The following PCNX2 variants were observed in gnomAD, a reference collection of about 807,000 sequenced individuals.
The protein encoded by PCNX2 is pecanex 2.
A neutral mutation model predicts 223.8 loss-of-function variants in PCNX2; 168 were observed. The ratio of observed to expected loss-of-function variants is 0.75; its 90% CI spans 0.66 to 0.85. PCNX2 has a LOEUF of 0.85. Among genes scored for constraint, PCNX2 ranks in the 40% least tolerant of loss-of-function variants. The probability of loss-of-function intolerance (pLI) is 0.00; values close to 1 mark genes in which losing one functional copy is unlikely to be tolerated. For synonymous variants in PCNX2, 1,006 were observed against 1,052.6 expected (o/e 0.96, Z 0.86); for missense variants, 2,507 against 2,675.5 (o/e 0.94, Z 1.39).
intron 25 of PCNX2, among the ~76,000 whole-genome samples, chr1:233,028,849 T>C (rs1333254442): frequency 1.3e-5 from 2 of 150,474 alleles, no homozygotes; most frequent in Non-Finnish European, 3.0e-5. Context: ...CTTTTTTTTT[T>C]TTTTTTTGAG....
chr1:233,243,944 G>T (rs1480942775), intron 8 of PCNX2, among the ~76,000 whole-genome samples: 1 of 151,944 alleles, frequency 6.6e-6, no homozygotes, highest in Admixed American at 6.6e-5. Context: ...CTATTCTCCT[G>T]CCTCAGCCTC....
At chr1:233,168,855 A>ACC (rs1441203935) in intron 17 of PCNX2, among the ~76,000 whole-genome samples, 1 of 152,134 alleles carries the variant, frequency 6.6e-6, no homozygotes, top group Admixed American at 6.5e-5. Context: ...CACAATTGGC[A>ACC]CCATCACTAA....
At chr1:233,091,621 C>T (rs769010679) in intron 22 of PCNX2, among the ~76,000 whole-genome samples, 1 of 151,560 alleles carries the variant, frequency 6.6e-6, no homozygotes, top group African/African-American at 2.4e-5. Context: ...CAGTCCCAGC[C>T]ACACAGGAGG....
Position 232,999,417 on chromosome 1 carries a change from G to T in PCNX2, c.5329-38C>A, listed in dbSNP as rs779098269. 3.9e-6 allele frequency: 6 copies of T among 1,540,514 alleles called. No individual in the cohort carries two copies. The East Asian group carries it at 7.1e-5, about 18-fold the overall frequency. On this transcript the variant is annotated intron_variant, in intron 30 of 33. Transcript: ENST00000258229. The stretch of plus-strand genomic sequence containing the variant: ...GAGGGAACGGGAAGAAAGGCAGAAG[G>T]CCTGTGTTTTCCAGTCTATTGGTTT...
rs915840513 is a variant in PCNX2, at chr1:233,225,081, C to T, written c.2504+2145G>A. On this transcript the variant is annotated intron_variant, in intron 10 of 33. Coordinates refer to ENST00000258229, the MANE Select transcript of PCNX2 (RefSeq NM_014801.4). ...TGTATACCTGTGTAACAAACCTGCA[C>T]GTTCTGCACATGTATCCCAGAACTA... 6.4e-5 allele frequency among the ~76,000 whole-genome samples: 8 copies of T among 125,896 alleles called. No homozygotes were observed. The South Asian group carries it at 1.3e-3, about 20-fold the overall frequency. 82.6% of individuals were successfully genotyped at this position (125,896 alleles called of 152,430 possible).
intron 13 of PCNX2, among the ~76,000 whole-genome samples, chr1:233,205,442 C>T (rs985146867): frequency 2.6e-5 from 4 of 152,080 alleles, no homozygotes; most frequent in African/African-American, 9.7e-5. Context: ...GCCTATAATC[C>T]CAGCACTTTG....
chr1:233,037,825 T>A (rs984197115), intron 25 of PCNX2, among the ~76,000 whole-genome samples: 1 of 152,234 alleles, frequency 6.6e-6, no homozygotes, highest in Non-Finnish European at 1.5e-5. Flanking sequence ...TAAAGTTTTT[T>A]CTGTGACCTG....
chr1:233,229,900 T>C (rs1406543305), intron 9 of PCNX2, among the ~76,000 whole-genome samples: 2 of 152,180 alleles, frequency 1.3e-5, no homozygotes, highest in African/African-American at 4.8e-5. Context: ...TTGCCTTAGA[T>C]ATCAAAGAAG....
chr1:233,306,387 T>A, the PCNX2 span, among the ~76,000 whole-genome samples: 11 of 152,178 alleles, frequency 7.2e-5, no homozygotes, highest in Non-Finnish European at 1.3e-4. Context: ...AAGAGAAGTC[T>A]TGGGCAACAA....
In PCNX2 at chr1:233,261,331, TG is replaced by T. The variant is rs1558402896; in HGVS notation, c.481-11del. The T allele has an allele frequency of 1.2e-6, 2 of 1,611,884 alleles. No individual in the cohort carries two copies. On this transcript the variant is annotated splice_polypyrimidine_tract_variant and intron_variant, in intron 3 of 33. Coordinates refer to ENST00000258229, the MANE Select transcript of PCNX2 (RefSeq NM_014801.4). ...CCTGTGCTGACAACTCCTACACAAATGAAAGAAACAAAAATCAATAGATGAC... is the reference window on the plus strand; with the variant it reads ...CCTGTGCTGACAACTCCTACACAAATAAAGAAACAAAAATCAATAGATGAC...
the PCNX2 span, among the ~76,000 whole-genome samples, chr1:233,307,703 T>C: frequency 6.6e-6 from 1 of 152,226 alleles, no homozygotes; most frequent in Non-Finnish European, 1.5e-5. Flanking sequence ...ATTCACTCTT[T>C]GAGTCCACAA....
At chr1:233,217,588 T>C (rs1397932246) in intron 12 of PCNX2, among the ~76,000 whole-genome samples, 1 of 152,174 alleles carries the variant, frequency 6.6e-6, no homozygotes, top group Non-Finnish European at 1.5e-5. Flanking sequence ...GGCAGTCTGA[T>C]GGCAACGTCT....
Position 233,087,010 on chromosome 1 carries a change from G to A in PCNX2, c.4076+3051C>T, listed in dbSNP as rs748352255. ...GGCTAGGGTAAAAAGGCAGACAGGG[G>A]ACACATTTGTCATATGCCCTAGTGA... On this transcript the variant is annotated intron_variant, in intron 23 of 33. Coordinates refer to ENST00000258229, the MANE Select transcript of PCNX2 (RefSeq NM_014801.4). 3.0e-6 allele frequency: 3 copies of A among 984,782 alleles called. No homozygotes were observed. In the African/African-American group the frequency reaches 5.2e-5, roughly 17 times the overall value. The allele number at this position is 984,782 out of a possible 1,614,324, so 61.0% of individuals were successfully genotyped here. A position where few individuals can be genotyped will look rare whatever the true frequency, so the allele number is the denominator to read the frequency against.
At chr1:233,076,478 T>G (rs888801545) in intron 23 of PCNX2, among the ~76,000 whole-genome samples, 1 of 152,198 alleles carries the variant, frequency 6.6e-6, no homozygotes, top group South Asian at 2.1e-4. Flanking sequence ...GGCAGCAACT[T>G]GAGAAGACAC....
intron 23 of PCNX2, among the ~76,000 whole-genome samples, chr1:233,082,893 A>AG (rs1263723649): frequency 3.3e-5 from 5 of 152,242 alleles, no homozygotes; most frequent in African/African-American, 1.2e-4. Context: ...TGCCAAACTG[A>AG]GGGGGCTGGA....
In PCNX2 at chr1:233,135,020, A is replaced by T. The variant is rs931394267; in HGVS notation, c.3830T>A (p.Phe1277Tyr). ...LLDFFMVSIL[F>Y]SKLGDLLHKL... is the part of the protein sequence containing the mutation. ...AATAGCTAATTCACTTGCCTTGCTA[A>T]ATAAAATGGACACCATGAAGAAATC... Residue 1277 changes from phenylalanine (F) to tyrosine (Y), a missense_variant, in exon 21 of 34, where the codon TTT becomes TAT. Coordinates refer to ENST00000258229, the MANE Select transcript of PCNX2 (RefSeq NM_014801.4). 1 of 1,602,238 alleles carries T rather than the reference A, an allele frequency of 6.2e-7. No homozygotes were observed. Among genetic ancestry groups the T allele is most frequent in the Admixed American group, 1.7e-5 (1 of 60,004 alleles).
intron 19 of PCNX2, among the ~76,000 whole-genome samples, chr1:233,147,111 G>T (rs561440576): frequency 2.0e-5 from 3 of 152,128 alleles, no homozygotes; most frequent in African/African-American, 7.2e-5. Context: ...CTACCTGGGG[G>T]GTGTGTGTGT....
intron 25 of PCNX2, among the ~76,000 whole-genome samples, chr1:233,039,707 T>C (rs1174110515): frequency 6.6e-6 from 1 of 152,176 alleles, no homozygotes; most frequent in East Asian, 1.9e-4. Flanking sequence ...TGCATAAACT[T>C]TGTAAGGCTA....
At chr1:233,260,499 T>C (rs916327847) in intron 4 of PCNX2, among the ~76,000 whole-genome samples, 1 of 152,072 alleles carries the variant, frequency 6.6e-6, no homozygotes, top group African/African-American at 2.4e-5. Flanking sequence ...ATATTAGAAG[T>C]CTAACTCATG....
Sources: allele counts gnomAD v4.1 joint callset (sites outside exome capture counted in the v4.1 genomes callset), GRCh38; gene constraint gnomAD v4.1.1; transcripts MANE v1.5; gene names NCBI Gene and HGNC (gene_info 2026-07-23, HGNC 2026-07-21).